Variants in KHDRBS2 observed in about 807,000 individuals in gnomAD.
The protein encoded by KHDRBS2 is KH RNA binding domain containing, signal transduction associated 2, also known as KH domain-containing, RNA-binding, signal transduction-associated protein 2.
A neutral mutation model predicts 44.3 loss-of-function variants in KHDRBS2; 26 were observed. The ratio of observed to expected loss-of-function variants is 0.59; its 90% confidence interval spans 0.43 to 0.81. The LOEUF (loss-of-function observed/expected upper bound fraction) is 0.81, where lower values mean the gene tolerates loss of function less well. KHDRBS2 is among the 40% of genes least tolerant of loss of function. The probability of loss-of-function intolerance (pLI) is 0.00; values close to 1 mark genes in which losing one functional copy is unlikely to be tolerated. For missense variants in KHDRBS2, 476 were observed against 433.1 expected, an observed-to-expected ratio of 1.10 and a Z score of -0.88; for synonymous variants, 194 against 151.1, an observed-to-expected ratio of 1.28 and a Z score of -2.08.
intron 6 of KHDRBS2, among the ~76,000 whole-genome samples, chr6:61,878,788 G>A (rs1362687932): frequency 1.3e-5 from 2 of 151,964 alleles, no homozygotes; most frequent in Non-Finnish European, 2.9e-5. Context: ...CACTGGCTCT[G>A]CCACTTACTG....
At chr6:61,632,458 T>C in the KHDRBS2 span, among the ~76,000 whole-genome samples, 1 of 152,182 alleles carries the variant, frequency 6.6e-6, no homozygotes, top group Non-Finnish European at 1.5e-5. Flanking sequence ...TTATCTTGGT[T>C]GAGAAATTTA....
intron 1 of KHDRBS2, among the ~76,000 whole-genome samples, chr6:62,232,866 G>A (rs1295617530): frequency 6.6e-6 from 1 of 152,058 alleles, no homozygotes; most frequent in Admixed American, 6.6e-5. Flanking sequence ...AGCCACCACG[G>A]AACTAGAAGT....
intron 2 of KHDRBS2, among the ~76,000 whole-genome samples, chr6:62,116,622 T>C (rs1806293879): frequency 6.6e-6 from 1 of 152,170 alleles, no homozygotes; most frequent in Non-Finnish European, 1.5e-5. Flanking sequence ...ATTCTAAAGC[T>C]TATGTTTTAG....
intron 6 of KHDRBS2, among the ~76,000 whole-genome samples, chr6:61,851,035 T>C (rs528064852): frequency 1.3e-5 from 2 of 152,172 alleles, no homozygotes; most frequent in African/African-American, 4.8e-5. Context: ...GACCTCAGGC[T>C]CTTCCTCCTG....
chr6:61,620,454 T>C, the KHDRBS2 span, among the ~76,000 whole-genome samples: 1 of 152,254 alleles, frequency 6.6e-6, no homozygotes, highest in African/African-American at 2.4e-5. Context: ...AGAGTCAGCA[T>C]GGCTTCTGGA....
At chr6:61,952,422 G>T (rs183701625) in intron 4 of KHDRBS2, among the ~76,000 whole-genome samples, 1 of 152,060 alleles carries the variant, frequency 6.6e-6, no homozygotes, top group Admixed American at 6.6e-5. Flanking sequence ...TAATTTTTTA[G>T]TTTCCCAGTT....
intron 7 of KHDRBS2, among the ~76,000 whole-genome samples, chr6:61,714,957 A>G (rs79307018): frequency 0.033 from 4,959 of 151,896 alleles, 269 homozygotes; most frequent in African/African-American, 0.11. Context: ...AATGTACAAT[A>G]TGTGGGTGAT....
intron 2 of KHDRBS2, among the ~76,000 whole-genome samples, chr6:62,135,717 A>C (rs1233381478): frequency 6.6e-6 from 1 of 152,206 alleles, no homozygotes; most frequent in Non-Finnish European, 1.5e-5. Flanking sequence ...ACACACACAT[A>C]CAATGGAACA....
At chr6:62,272,125 C>T (rs1371113995) in intron 1 of KHDRBS2, among the ~76,000 whole-genome samples, 1 of 152,110 alleles carries the variant, frequency 6.6e-6, no homozygotes, top group Non-Finnish European at 1.5e-5. Context: ...TATACAAATA[C>T]CATTGTGTTA....
intron 6 of KHDRBS2, among the ~76,000 whole-genome samples, chr6:61,794,997 G>A (rs1437009672): frequency 1.3e-5 from 2 of 151,544 alleles, no homozygotes; most frequent in East Asian, 1.9e-4. Flanking sequence ...AAATTAGCTG[G>A]GCATGGTGGT....
chr6:62,175,639 A>G (rs973578138), intron 2 of KHDRBS2, among the ~76,000 whole-genome samples: 2 of 151,654 alleles, frequency 1.3e-5, no homozygotes, highest in African/African-American at 4.8e-5. Context: ...TATAAGAGAG[A>G]CAATAGTTTG....
At chr6:61,808,506 A>AT (rs1787545799) in intron 6 of KHDRBS2, among the ~76,000 whole-genome samples, 1 of 152,288 alleles carries the variant, frequency 6.6e-6, no homozygotes, top group South Asian at 2.1e-4. Flanking sequence ...CTGAAGAAGT[A>AT]TTGATCAAGG....
chr6:61,902,713 T>C (rs1804283336), intron 4 of KHDRBS2, among the ~76,000 whole-genome samples: 1 of 152,140 alleles, frequency 6.6e-6, no homozygotes, highest in African/African-American at 2.4e-5. Flanking sequence ...CTAACAGATA[T>C]GATGTTTGAG....
intron 1 of KHDRBS2, among the ~76,000 whole-genome samples, chr6:62,201,615 C>G (rs1460184014): frequency 6.6e-6 from 1 of 151,938 alleles, no homozygotes; most frequent in Non-Finnish European, 1.5e-5. Context: ...TCTTACAAAA[C>G]TAATTTGCAA....
intron 4 of KHDRBS2, among the ~76,000 whole-genome samples, chr6:61,954,928 A>ACATACATATATGTATATATACG (rs1766108371): frequency 4.0e-5 from 5 of 126,142 alleles, no homozygotes; most frequent in Non-Finnish European, 7.3e-5. Flanking sequence ...ATATGTATAC[A>ACATACATATATGTATATATACG]CATACATATG....
chr6:61,955,274 A>G (rs1181337295), intron 4 of KHDRBS2, among the ~76,000 whole-genome samples: 1 of 145,604 alleles, frequency 6.9e-6, no homozygotes, highest in Non-Finnish European at 1.5e-5. Flanking sequence ...ATATACGTGT[A>G]AATATACTCA....
chr6:61,560,885 G>T, the KHDRBS2 span, among the ~76,000 whole-genome samples: 2 of 152,092 alleles, frequency 1.3e-5, no homozygotes, highest in Non-Finnish European at 2.9e-5. Flanking sequence ...ATGTTCTTCA[G>T]TGTCTGGGTA....
intron 4 of KHDRBS2, among the ~76,000 whole-genome samples, chr6:61,962,848 G>A (rs1769053469): frequency 6.6e-6 from 1 of 151,978 alleles, no homozygotes; most frequent in East Asian, 1.9e-4. Flanking sequence ...TATCAATGTG[G>A]GATTTCGGCT....
At chr6:61,986,598 T>C (rs1440473047) in intron 3 of KHDRBS2, among the ~76,000 whole-genome samples, 1 of 152,194 alleles carries the variant, frequency 6.6e-6, no homozygotes, top group African/African-American at 2.4e-5. Context: ...CTTAGTCTGG[T>C]CAGGCTGCTA....
Sources: gnomAD v4.1 joint callset for allele counts (sites outside exome capture counted in the v4.1 genomes callset) on GRCh38, gnomAD v4.1.1 for gene constraint, MANE v1.5 for transcripts, NCBI Gene and HGNC (gene_info 2026-07-23, HGNC 2026-07-21) for gene names.